Variants in ZZZ3 observed in about 807,000 individuals in gnomAD.
ZZZ3 encodes the protein zinc finger ZZ-type containing 3, also known as ZZ-type zinc finger-containing protein 3.
ZZZ3 carries 22 observed loss-of-function variants against 95.2 expected under a neutral mutation model. The ratio of observed to expected loss-of-function variants is 0.23; its 90% CI spans 0.17 to 0.33. ZZZ3 has a LOEUF of 0.33. Among genes scored for constraint, ZZZ3 ranks in the 10% least tolerant of loss-of-function variants. The probability of loss-of-function intolerance (pLI) is 1.00; values close to 1 mark genes in which losing one functional copy is unlikely to be tolerated. For missense variants in ZZZ3, 885 were observed against 1,066.5 expected (o/e 0.83, Z 2.37); for synonymous variants, 335 against 358.9 (o/e 0.93, Z 0.75).
Position 77,632,980 on chromosome 1 carries a change from A to T in ZZZ3, c.375T>A (p.Ser125=). ...CTTCTTCTGAACTGTTTGGTGCTTC[A>T]GATCTAAGACAACGCTTAATTCTTT... is the stretch of plus-strand genomic sequence containing the variant. ...VLKRIKRCLR[S]EAPNSSEEDS... The change falls in exon 5 of 15, where the codon TCT becomes TCA. Residue 125 remains serine, a synonymous_variant. Coordinates refer to ENST00000370801, the MANE Select transcript of ZZZ3 (RefSeq NM_015534.6). The T allele has an allele frequency of 6.2e-7, 1 of 1,614,124 alleles. No homozygotes were observed. Among genetic ancestry groups the T allele is most frequent in the Non-Finnish European group, 8.5e-7 (1 of 1,180,036 alleles).
At chr1:77,614,734 A>G (rs547950706) in intron 5 of ZZZ3, 70 of 152,320 alleles carry the variant, frequency 4.6e-4, no homozygotes, top group African/African-American at 1.7e-3. Flanking sequence ...TTCTTGTTCT[A>G]AAGGTTCCAA....
At chr1:77,615,421 T>G (rs995636290) in intron 5 of ZZZ3, among the ~76,000 whole-genome samples, 2 of 152,184 alleles carry the variant, frequency 1.3e-5, no homozygotes, top group Non-Finnish European at 2.9e-5. Context: ...GCATCTAGCT[T>G]CAACAATCTC....
chr1:77,658,843 G>C (rs1670528003), intron 1 of ZZZ3, among the ~76,000 whole-genome samples: 1 of 152,058 alleles, frequency 6.6e-6, no homozygotes, highest in Non-Finnish European at 1.5e-5. Flanking sequence ...AGACTTATTG[G>C]GTCACAGCAT....
At chr1:77,615,426 A>C (rs1666216560) in intron 5 of ZZZ3, among the ~76,000 whole-genome samples, 1 of 152,204 alleles carries the variant, frequency 6.6e-6, no homozygotes, top group Admixed American at 6.5e-5. Context: ...TAGCTTCAAC[A>C]ATCTCACAAT....
chr1:77,603,981 T>C (rs559886773), intron 5 of ZZZ3, among the ~76,000 whole-genome samples: 71 of 151,976 alleles, frequency 4.7e-4, no homozygotes, highest in African/African-American at 1.6e-3. Context: ...CCAGGCAACA[T>C]AGTGAGAACC....
chr1:77,632,860 T>A lies in ZZZ3; in HGVS notation c.495A>T (p.Arg165=). The change falls in exon 5 of 15, where the codon CGA becomes CGT. Residue 165 remains arginine (R), a synonymous_variant. Transcript: ENST00000370801. ...TCTCACAATCATCCAGTATAAGACA[T>A]CGACAAGCTCGTTTAGTCCCTTGAA... ...ADFQGTKRAC[R]CLILDDCEKR... is the part of the protein sequence containing the mutation. 1 of 1,614,196 alleles carries A rather than the reference T, an allele frequency of 6.2e-7. No individual in the cohort carries two copies. Among genetic ancestry groups the A allele is most frequent in the Non-Finnish European group, 8.5e-7 (1 of 1,180,024 alleles).
chr1:77,594,293 G>A (rs903907731), intron 5 of ZZZ3, among the ~76,000 whole-genome samples: 6 of 152,122 alleles, frequency 3.9e-5, no homozygotes, highest in African/African-American at 1.4e-4. Flanking sequence ...ATTATGGCTG[G>A]TTTATGAAGA....
chr1:77,645,887 C>A (rs566288173), intron 1 of ZZZ3, among the ~76,000 whole-genome samples: 2 of 150,724 alleles, frequency 1.3e-5, no homozygotes, highest in Non-Finnish European at 2.9e-5. Context: ...AGAAGAATTG[C>A]TTGAACCTGG....
chr1:77,562,646 A>G lies in ZZZ3; in HGVS notation c.*2994T>C, dbSNP rs1321799995. 6.6e-6 allele frequency: 1 copy of G among 152,232 alleles called. No homozygotes were observed. Among genetic ancestry groups the G allele is most frequent in the Non-Finnish European group, 1.5e-5 (1 of 68,040 alleles). 9.4% of individuals were successfully genotyped at this position (152,232 alleles called of 1,614,324 possible). A position where few individuals can be genotyped will look rare whatever the true frequency, so the allele number is the denominator to read the frequency against. Reference sequence around the variant, plus strand: ...TATTAGGTTAAGTGAGAAGCACCCAACATGCATAGAAGAAAATCCTACCCA... The same window carrying G: ...TATTAGGTTAAGTGAGAAGCACCCAGCATGCATAGAAGAAAATCCTACCCA... On this transcript the variant is annotated 3_prime_UTR_variant, in exon 15 of 15. Coordinates refer to ENST00000370801, the MANE Select transcript of ZZZ3 (RefSeq NM_015534.6).
intron 4 of ZZZ3, among the ~76,000 whole-genome samples, chr1:77,639,119 A>G (rs1668548905): frequency 6.6e-6 from 1 of 152,208 alleles, no homozygotes; most frequent in Non-Finnish European, 1.5e-5. Flanking sequence ...AGTCAGACAG[A>G]CAGACAGACA....
chr1:77,566,314 A>G (rs1250605830), intron 13 of ZZZ3, 133 bp from the exon 14 acceptor site: 1 of 517,938 alleles, frequency 1.9e-6, no homozygotes, highest in Non-Finnish European at 3.4e-6. Context: ...GTAATATAAC[A>G]CACAAATGGT....
At chr1:77,607,059 T>C (rs111270331) in intron 5 of ZZZ3, among the ~76,000 whole-genome samples, 4,160 of 152,266 alleles carry the variant, frequency 0.027, 63 homozygotes, top group Middle Eastern at 0.078. Flanking sequence ...GAATTCAAAA[T>C]AGCTGTGTGT....
At chr1:77,678,824 T>A (rs1672497509) in intron 1 of ZZZ3, among the ~76,000 whole-genome samples, 1 of 152,194 alleles carries the variant, frequency 6.6e-6, no homozygotes, top group Non-Finnish European at 1.5e-5. Context: ...GCTTAGAGAT[T>A]TTTTTATGTC....
chr1:77,633,400 G>A lies in ZZZ3; in HGVS notation c.-46C>T. On this transcript the variant is annotated 5_prime_UTR_variant, in exon 5 of 15. Transcript: ENST00000370801. ...TACGGTCATCATGATCCACTCATTG[G>A]GAAACCTTCAAAAATGTAAACAAAA... The A allele has an allele frequency of 6.6e-7, 1 of 1,520,422 alleles. No homozygotes were observed. The highest frequency in any genetic ancestry group is 8.8e-7 in the Non-Finnish European group (1 of 1,137,498). The allele number at this position is 1,520,422 out of a possible 1,614,324, so 94.2% of individuals were successfully genotyped here.
At chr1:77,653,097 G>A (rs536292823) in intron 1 of ZZZ3, among the ~76,000 whole-genome samples, 11 of 152,148 alleles carry the variant, frequency 7.2e-5, no homozygotes, top group African/African-American at 2.7e-4. Context: ...TGAGGCAAGA[G>A]GACTGCTTGA....
In ZZZ3 at chr1:77,632,800, T is replaced by C. The variant is rs1667933512; in HGVS notation, c.555A>G (p.Glu185=). The change falls in exon 5 of 15, where the codon GAA becomes GAG. Residue 185 remains glutamate, a synonymous_variant. Coordinates refer to ENST00000370801, the MANE Select transcript of ZZZ3 (RefSeq NM_015534.6). ...CAACTACTGCAGAATTAAGTGGCCC[T>C]TCCTCACTGACATTCACCTTTTTAA... ...REIKKVNVSE[E]GPLNSAVVEE... 1 of 1,614,202 alleles carries C rather than the reference T, an allele frequency of 6.2e-7. No individual in the cohort carries two copies. Among genetic ancestry groups the C allele is most frequent in the East Asian group, 2.2e-5 (1 of 44,872 alleles).
At chr1:77,603,859 A>C (rs928547982) in intron 5 of ZZZ3, among the ~76,000 whole-genome samples, 1 of 152,184 alleles carries the variant, frequency 6.6e-6, no homozygotes. Context: ...TCCGACAACA[A>C]AATTAAACTA....
At chr1:77,575,718 T>G (rs922963018) in intron 12 of ZZZ3, among the ~76,000 whole-genome samples, 1 of 152,190 alleles carries the variant, frequency 6.6e-6, no homozygotes, top group African/African-American at 2.4e-5. Flanking sequence ...AAAAAAATCA[T>G]GAACAGTGAC....
intron 1 of ZZZ3, among the ~76,000 whole-genome samples, chr1:77,659,143 G>GGGAGGC (rs1490123862): frequency 1.3e-5 from 2 of 151,944 alleles, no homozygotes; most frequent in Non-Finnish European, 2.9e-5. Flanking sequence ...GCTTGAACCT[G>GGGAGGC]GGAGGCGGAG....
Sources: gnomAD v4.1 joint callset for allele counts (sites outside exome capture counted in the v4.1 genomes callset) on GRCh38, gnomAD v4.1.1 for gene constraint, MANE v1.5 for transcripts, NCBI Gene and HGNC (gene_info 2026-07-23, HGNC 2026-07-21) for gene names.